ESR1: variants seen among roughly 807,000 people sequenced by gnomAD.
ESR1 encodes estrogen receptor.
Under a neutral mutation model 52.7 loss-of-function variants are expected in ESR1, and 12 were observed. The observed-to-expected ratio is 0.23, with a 90% confidence interval of 0.15 to 0.37. The LOEUF (loss-of-function observed/expected upper bound fraction) is 0.37. Ranked by LOEUF, ESR1 falls within the 10% of genes least tolerant of loss-of-function variation. The pLI is 1.00. For missense variants in ESR1, 584 were observed against 779.7 expected (o/e 0.75, Z 2.99); for synonymous variants, 305 against 316.8 (o/e 0.96, Z 0.39).
chr6:152,113,944 C>T (rs1406363670), intron 6 of ESR1, among the ~76,000 whole-genome samples: 1 of 152,188 alleles, frequency 6.6e-6, no homozygotes, highest in African/African-American at 2.4e-5. Flanking sequence ...GTATTTTTGG[C>T]TCCAGAGTTT....
At chr6:151,806,555 T>TATATAC (rs1408302409), upstream of ESR1, among the ~76,000 whole-genome samples, 116 of 142,678 alleles carry the variant, frequency 8.1e-4, no homozygotes, top group Non-Finnish European at 1.2e-3. Context: ...TATATATATA[T>TATATAC]ATACACATAT....
intron 2 of ESR1, among the ~76,000 whole-genome samples, chr6:151,877,415 A>AT (rs1792041967): frequency 6.6e-6 from 1 of 152,232 alleles, no homozygotes. Flanking sequence ...TTAATTGCAT[A>AT]TATCAAATAT....
chr6:152,044,869 T>C (rs1028973699), intron 5 of ESR1, among the ~76,000 whole-genome samples: 30 of 152,136 alleles, frequency 2.0e-4, no homozygotes, highest in African/African-American at 7.0e-4. Flanking sequence ...CCTCACAGAC[T>C]CACTCAGGAA....
At chr6:151,666,646 C>T (rs1311243433) in intron 1 of ESR1, among the ~76,000 whole-genome samples, 4 of 151,470 alleles carry the variant, frequency 2.6e-5, no homozygotes, top group Admixed American at 1.3e-4. Flanking sequence ...AGAAGCAGAC[C>T]TCTACTTGGC....
At chr6:152,080,571 G>A (rs1285048626) in intron 6 of ESR1, among the ~76,000 whole-genome samples, 2 of 152,154 alleles carry the variant, frequency 1.3e-5, no homozygotes, top group South Asian at 2.1e-4. Context: ...AAAGACCATC[G>A]ACGCTATGAA....
chr6:151,981,021 G>C (rs2039945176), intron 4 of ESR1, among the ~76,000 whole-genome samples: 1 of 152,148 alleles, frequency 6.6e-6, no homozygotes, highest in South Asian at 2.1e-4. Context: ...TTTTAAAATG[G>C]CTGCAGGTAT....
At chr6:151,898,825 C>T (rs1384874513) in intron 3 of ESR1, among the ~76,000 whole-genome samples, 15 of 152,294 alleles carry the variant, frequency 9.8e-5, no homozygotes, top group South Asian at 4.1e-4. Context: ...GGCAACCATC[C>T]GATTTCTCAA....
At chr6:152,029,328 C>T (rs185188363) in intron 5 of ESR1, among the ~76,000 whole-genome samples, 31 of 152,092 alleles carry the variant, frequency 2.0e-4, no homozygotes, top group African/African-American at 6.5e-4. Context: ...AGGCTTCAGA[C>T]GATGAAAATT....
At chr6:151,697,165 A>T (rs770655234) in intron 1 of ESR1, among the ~76,000 whole-genome samples, 1 of 152,192 alleles carries the variant, frequency 6.6e-6, no homozygotes, top group Non-Finnish European at 1.5e-5. Flanking sequence ...TGTGGATTGA[A>T]GTTTTCAGAT....
chr6:151,704,280 C>T (rs1474431681), intron 2 of ESR1, among the ~76,000 whole-genome samples: 1 of 152,158 alleles, frequency 6.6e-6, no homozygotes, highest in Admixed American at 6.5e-5. Flanking sequence ...TGTCACCACC[C>T]AGGCTGGAGT....
At chr6:152,052,605 T>C (rs1255255240) in intron 5 of ESR1, among the ~76,000 whole-genome samples, 1 of 152,006 alleles carries the variant, frequency 6.6e-6, no homozygotes, top group Non-Finnish European at 1.5e-5. Context: ...CCGTGGTCTT[T>C]TACAGAAAAA....
chr6:151,677,944 AACATGTT>A (rs1239674402), intron 1 of ESR1, among the ~76,000 whole-genome samples: 1 of 149,168 alleles, frequency 6.7e-6, no homozygotes, highest in African/African-American at 2.4e-5. Flanking sequence ...GGTACTGTTA[AACATGTT>A]ACATTTGTAA....
chr6:151,915,515 A>G (rs755130888), intron 3 of ESR1, among the ~76,000 whole-genome samples: 19 of 152,184 alleles, frequency 1.2e-4, no homozygotes, highest in Non-Finnish European at 2.5e-4. Flanking sequence ...ACATGAACAG[A>G]ATGAATGACT....
chr6:151,940,070 A>C (rs901765314), intron 3 of ESR1, among the ~76,000 whole-genome samples: 1 of 152,188 alleles, frequency 6.6e-6, no homozygotes, highest in African/African-American at 2.4e-5. Flanking sequence ...TAATGAACTC[A>C]CAGTTCCACA....
chr6:151,963,740 G>T (rs2037935387), intron 4 of ESR1, among the ~76,000 whole-genome samples: 1 of 152,160 alleles, frequency 6.6e-6, no homozygotes, highest in African/African-American at 2.4e-5. Flanking sequence ...TGTATCCAAA[G>T]AACTCATTGC....
upstream of ESR1, among the ~76,000 whole-genome samples, chr6:151,690,043 C>T (rs143432293): frequency 1.2e-4 from 19 of 152,188 alleles, no homozygotes; most frequent in African/African-American, 3.4e-4. Context: ...TGCAGGTTAC[C>T]GAAGTCAAGA....
intron 1 of ESR1, among the ~76,000 whole-genome samples, chr6:151,661,021 G>A (rs1777619581): frequency 1.3e-5 from 2 of 152,012 alleles, no homozygotes; most frequent in South Asian, 4.1e-4. Flanking sequence ...TAAAATTGAC[G>A]GATACTGATA....
At chr6:151,816,718 C>T (rs981568115) in intron 1 of ESR1, among the ~76,000 whole-genome samples, 6 of 151,984 alleles carry the variant, frequency 3.9e-5, no homozygotes, top group Non-Finnish European at 8.8e-5. Flanking sequence ...AGGTACTGTG[C>T]TACAAAAACA....
intron 5 of ESR1, among the ~76,000 whole-genome samples, chr6:152,034,522 T>A (rs1400921308): frequency 1.3e-5 from 2 of 152,192 alleles, no homozygotes; most frequent in African/African-American, 4.8e-5. Flanking sequence ...AAGTCTATGT[T>A]CTGAATGTTT....
Sources: allele counts gnomAD v4.1 joint callset (sites outside exome capture counted in the v4.1 genomes callset), GRCh38; gene constraint gnomAD v4.1.1; transcripts MANE v1.5; gene names NCBI Gene and HGNC (gene_info 2026-07-23, HGNC 2026-07-21).